PHF20: variants seen among roughly 807,000 people sequenced by gnomAD.
The protein encoded by PHF20 is PHD finger protein 20.
In PHF20, 23 loss-of-function variants were observed where a neutral mutation model predicts 113.5. The ratio of observed to expected loss-of-function variants is 0.20; its 90% CI spans 0.15 to 0.29. The LOEUF (loss-of-function observed/expected upper bound fraction) is 0.29. Among genes scored for constraint, PHF20 ranks in the 10% least tolerant of loss-of-function variants. PHF20 has a pLI of 1.00. For synonymous variants in PHF20, 434 were observed against 457.3 expected (o/e 0.95, Z 0.65); for missense variants, 943 against 1,219.6 (o/e 0.77, Z 3.38).
intron 3 of PHF20, among the ~76,000 whole-genome samples, chr20:35,845,715 C>A (rs2042611438): frequency 6.6e-6 from 1 of 151,624 alleles, no homozygotes; most frequent in Admixed American, 6.6e-5. Flanking sequence ...GGCATTGAGA[C>A]ATCTATAATG....
At chr20:35,841,457 C>G (rs1306345821) in intron 2 of PHF20, among the ~76,000 whole-genome samples, 2 of 152,018 alleles carry the variant, frequency 1.3e-5, no homozygotes, top group African/African-American at 4.8e-5. Context: ...CAGATAAAAT[C>G]ATCTTGTTCT....
intron 9 of PHF20, among the ~76,000 whole-genome samples, chr20:35,892,161 G>A (rs983029554): frequency 1.3e-5 from 2 of 150,716 alleles, no homozygotes; most frequent in Admixed American, 6.6e-5. Flanking sequence ...AGGTTCAAGC[G>A]ATTCTCCTGC....
chr20:35,812,343 C>T lies in PHF20; in HGVS notation c.83+10738C>T, dbSNP rs114132451. Among the ~76,000 whole-genome samples, 374 of 151,978 alleles carry T rather than the reference C, an allele frequency of 2.5e-3. 2 individuals are homozygous for T. The highest frequency in any genetic ancestry group is 8.2e-3 in the African/African-American group (341 of 41,446). On this transcript the variant is annotated intron_variant, in intron 2 of 17. Transcript: ENST00000374012. Reference sequence around the variant, plus strand: ...ATTCCATGATAATCTTTCTTCTTCCCGGGAGGCAGAGCTTGCAGTGAGCAG... The same window carrying T: ...ATTCCATGATAATCTTTCTTCTTCCTGGGAGGCAGAGCTTGCAGTGAGCAG...
At chr20:35,871,554 C>T (rs1265597527) in intron 8 of PHF20, 96 bp from the exon 9 acceptor site, 6 of 1,021,770 alleles carry the variant, frequency 5.9e-6, no homozygotes, top group African/African-American at 1.6e-5. Context: ...ATTCCTTCCT[C>T]TAAAAAGTCC....
intron 9 of PHF20, among the ~76,000 whole-genome samples, chr20:35,877,420 C>G (rs1198542105): frequency 2.1e-5 from 3 of 145,582 alleles, no homozygotes; most frequent in Non-Finnish European, 4.5e-5. Flanking sequence ...AGACCCTATT[C>G]TTTTCTTTCT....
At chr20:35,931,493 G>A in intron 15 of PHF20, 49 bp downstream of exon 15, 2 of 1,436,794 alleles carry the variant, frequency 1.4e-6, no homozygotes, top group Non-Finnish European at 1.9e-6. Flanking sequence ...GGCATGGTCT[G>A]GGGGCTGAGT....
intron 17 of PHF20, among the ~76,000 whole-genome samples, chr20:35,943,524 G>C (rs889172457): frequency 1.8e-4 from 26 of 147,266 alleles, no homozygotes; most frequent in African/African-American, 2.5e-5. Context: ...AGCCTAGTAA[G>C]CTATTATATG....
chr20:35,864,978 G>A (rs2054288891), intron 6 of PHF20, among the ~76,000 whole-genome samples: 1 of 152,102 alleles, frequency 6.6e-6, no homozygotes, highest in Non-Finnish European at 1.5e-5. Flanking sequence ...TTGAGGTTAG[G>A]AGTTTGAGAC....
intron 10 of PHF20, among the ~76,000 whole-genome samples, chr20:35,906,046 G>A (rs1350305985): frequency 1.3e-5 from 2 of 152,198 alleles, no homozygotes; most frequent in Non-Finnish European, 2.9e-5. Context: ...CCTGAATACA[G>A]GTTAGGCTCA....
intron 9 of PHF20, among the ~76,000 whole-genome samples, chr20:35,881,064 TTTTTTTC>T (rs1459063109): frequency 1.4e-5 from 2 of 143,024 alleles, no homozygotes; most frequent in Admixed American, 6.9e-5. Context: ...TTTTTTTTTT[TTTTTTTC>T]TGAGACGGAG....
intron 1 of PHF20, among the ~76,000 whole-genome samples, chr20:35,774,158 G>A (rs1012638365): frequency 6.6e-6 from 1 of 151,130 alleles, no homozygotes; most frequent in Non-Finnish European, 1.5e-5. Context: ...TCTCGGCTCA[G>A]TGCAAGCTCC....
intron 2 of PHF20, among the ~76,000 whole-genome samples, chr20:35,837,765 T>A (rs2146930275): frequency 6.6e-6 from 1 of 152,348 alleles, no homozygotes; most frequent in South Asian, 2.1e-4. Flanking sequence ...TCAAAAGCAC[T>A]TAATAAATTC....
At chr20:35,860,749 T>C (rs749012500) in intron 5 of PHF20, among the ~76,000 whole-genome samples, 1 of 152,194 alleles carries the variant, frequency 6.6e-6, no homozygotes, top group Non-Finnish European at 1.5e-5. Flanking sequence ...AATTTGGCAA[T>C]TTTTGTGTTA....
intron 1 of PHF20, among the ~76,000 whole-genome samples, chr20:35,788,676 C>T (rs566795566): frequency 6.6e-6 from 1 of 152,288 alleles, no homozygotes; most frequent in African/African-American, 2.4e-5. Context: ...CTCCCATGTT[C>T]AAGCGTTTCT....
rs770142502 is a variant in PHF20 at position 35,791,896 on chromosome 20, AAGG to A, written c.-32-9592_-32-9590del. ...TTGAGGGCTTATTTGATGGGGACAA[AAGG>A]AGAAGGAACTTGTAAGGGTAAGATG... On this transcript the variant is annotated intron_variant, in intron 1 of 17. Transcript: ENST00000374012. Among the ~76,000 whole-genome samples the A allele has an allele frequency of 1.4e-3, 207 of 152,196 alleles. 2 individuals carry two copies. Among genetic ancestry groups the A allele is most frequent in the Non-Finnish European group, 1.2e-3 (85 of 68,010 alleles).
rs149920125 is a variant in PHF20 at position 35,920,337 on chromosome 20, A to G, written c.2004+2675A>G. Among the ~76,000 whole-genome samples, 63 of 152,174 alleles carry G rather than the reference A, an allele frequency of 4.1e-4. 3 individuals carry two copies. In the East Asian group the frequency reaches 0.01, roughly 24 times the overall value. ...TTATTGTCCGGTAGTATTCCATGCT[A>G]TGGATGTACCACAGTCGTGCTCTTT... On this transcript the variant is annotated intron_variant, in intron 13 of 17. Transcript: ENST00000374012.
rs59752864 is a variant in PHF20 at position 35,791,537 on chromosome 20, G to GTATATATA, written c.-32-9936_-32-9929dup. Among the ~76,000 whole-genome samples the GTATATATA allele has an allele frequency of 1.3e-3, 170 of 127,202 alleles. 1 individual carries two copies. Among genetic ancestry groups the GTATATATA allele is most frequent in the African/African-American group, 3.4e-3 (113 of 33,412 alleles). 83.4% of individuals were successfully genotyped at this position (127,202 alleles called of 152,430 possible). On this transcript the variant is annotated intron_variant, in intron 1 of 17. Transcript: ENST00000374012. ...ATATACATATATATCTTAGAATAGT[G>GTATATATA]TATATATATATATATATATATATAT...
chr20:35,823,760 C>T (rs1422600511), intron 2 of PHF20, among the ~76,000 whole-genome samples: 1 of 152,000 alleles, frequency 6.6e-6, no homozygotes, highest in Non-Finnish European at 1.5e-5. Context: ...CTCCTGTCAC[C>T]CACTGATCTG....
intron 2 of PHF20, among the ~76,000 whole-genome samples, chr20:35,815,224 T>C (rs1243737299): frequency 6.6e-6 from 1 of 151,710 alleles, no homozygotes; most frequent in Non-Finnish European, 1.5e-5. Context: ...AATAAGTAAA[T>C]AAATAGATGA....
Sources: allele counts gnomAD v4.1 joint callset (sites outside exome capture counted in the v4.1 genomes callset), GRCh38; gene constraint gnomAD v4.1.1; transcripts MANE v1.5; gene names NCBI Gene and HGNC (gene_info 2026-07-23, HGNC 2026-07-21).